PACSIN1: variants seen among roughly 807,000 people sequenced by gnomAD.
PACSIN1 encodes protein kinase C and casein kinase substrate in neurons protein 1.
PACSIN1 carries 15 observed loss-of-function variants against 59.5 expected under a neutral mutation model. The ratio of observed to expected loss-of-function variants is 0.25; its 90% CI spans 0.17 to 0.39. The LOEUF is 0.39. Among genes scored for constraint, PACSIN1 ranks in the 10% least tolerant of loss-of-function variants. The pLI, the probability that PACSIN1 is intolerant of heterozygous loss-of-function variation, is 1.00. For synonymous variants in PACSIN1, 210 were observed against 220.6 expected (o/e 0.95, Z 0.42); for missense variants, 420 against 580.2 (o/e 0.72, Z 2.84).
chr6:34,501,442 C>T (rs1237332513), intron 1 of PACSIN1, among the ~76,000 whole-genome samples: 2 of 152,218 alleles, frequency 1.3e-5, no homozygotes, highest in East Asian at 3.8e-4. Flanking sequence ...CTGGACCAGG[C>T]AGCCTAGCTA....
intron 1 of PACSIN1, among the ~76,000 whole-genome samples, chr6:34,509,885 A>G (rs1767172379): frequency 6.6e-6 from 1 of 152,240 alleles, no homozygotes; most frequent in African/African-American, 2.4e-5. Context: ...GAAAACTTTC[A>G]GAATTTGTCA....
intron 1 of PACSIN1, among the ~76,000 whole-genome samples, chr6:34,512,059 A>ATG (rs202212498): frequency 0.013 from 1,964 of 151,800 alleles, 38 homozygotes; most frequent in African/African-American, 0.044. Context: ...GCGTATGTGC[A>ATG]TGTGTGTGTG....
At position 34,531,654 on chromosome 6, in the gene PACSIN1, G is replaced by T; in HGVS notation, c.1092G>T (p.Glu364Asp). 1 of 1,614,026 alleles carries T rather than the reference G, an allele frequency of 6.2e-7. No homozygotes were observed. Among genetic ancestry groups the T allele is most frequent in the Non-Finnish European group, 8.5e-7 (1 of 1,180,022 alleles). Residue 364 changes from glutamate to aspartate, a missense_variant, in exon 9 of 10, where the codon GAG (glutamate) becomes GAT (aspartate). By Grantham distance (45) the Glu-to-Asp change is conservative. Coordinates refer to ENST00000244458, the MANE Select transcript of PACSIN1 (RefSeq NM_020804.5). This position sits in a 1 kb window ranked among gnomAD's most constrained non-coding sequence, Gnocchi z 4.4. ...QPYATEWSDD[E>D]SGNPFGGSET... ...ACGCCACCGAGTGGTCAGACGACGA[G>T]AGTGGGAACCCCTTTGGGGGCAGTG...
chr6:34,507,488 T>C (rs945727308), intron 1 of PACSIN1, among the ~76,000 whole-genome samples: 2 of 152,140 alleles, frequency 1.3e-5, no homozygotes, highest in Non-Finnish European at 2.9e-5. Context: ...ATCTACTGTG[T>C]GTGCTCTTTT....
rs1013853556 is a variant in PACSIN1, at chr6:34,516,081, G to A, written c.-63-10162G>A. On this transcript the variant is annotated intron_variant, in intron 1 of 9. Coordinates refer to ENST00000244458, the MANE Select transcript of PACSIN1 (RefSeq NM_020804.5). This position sits in a 1 kb window ranked among gnomAD's most constrained non-coding sequence, Gnocchi z 5.4. ...AGCCTGCAAGGGGCAGAAGGTTGAT[G>A]TGTGCAACTATGGGCGTGCTTAAGG... Among the ~76,000 whole-genome samples, 5 of 152,186 alleles carry A rather than the reference G, an allele frequency of 3.3e-5. No homozygotes were observed. Among genetic ancestry groups the A allele is most frequent in the African/African-American group, 4.8e-5 (2 of 41,434 alleles).
At chr6:34,509,274 C>T (rs1293675515) in intron 1 of PACSIN1, among the ~76,000 whole-genome samples, 1 of 152,120 alleles carries the variant, frequency 6.6e-6, no homozygotes, top group African/African-American at 2.4e-5. Context: ...AAGAACTATC[C>T]TTCGTATCAT....
intron 1 of PACSIN1, among the ~76,000 whole-genome samples, chr6:34,508,105 G>GTTTGTTTGTTTGTTTGT (rs1554169424): frequency 6.6e-6 from 1 of 151,888 alleles, no homozygotes; most frequent in Non-Finnish European, 1.5e-5. Flanking sequence ...TTCTTTTTTT[G>GTTTGTTTGTTTGTTTGT]TTTGTTTGTT....
Position 34,495,815 on chromosome 6 carries a change from A to G in PACSIN1, c.-64+29545A>G, listed in dbSNP as rs76762393. Among the ~76,000 whole-genome samples, 1,028 of 152,266 alleles carry G rather than the reference A, an allele frequency of 6.8e-3. 10 individuals are homozygous for G. The highest frequency in any genetic ancestry group is 0.015 in the African/African-American group (637 of 41,558). On this transcript the variant is annotated intron_variant, in intron 1 of 9. Transcript: ENST00000244458. ...CACAGGTTTAGAAACTACTTCCCTA[A>G]ATCATACCAGTTGTGTTTCCATCTC...
In PACSIN1 at chr6:34,526,317, C is replaced by T. The variant is rs776735771; in HGVS notation, c.12C>T (p.Ser4=). 10 of 1,612,176 alleles carry T rather than the reference C, an allele frequency of 6.2e-6. No individual in the cohort carries two copies. Among genetic ancestry groups the T allele is most frequent in the Admixed American group, 1.7e-5 (1 of 59,996 alleles). The part of the protein sequence containing the change: MSS[S]YDEASLAPEE... ...CCTGCGGCTACACCATGTCCAGCTC[C>T]TACGATGAGGCCTCACTGGCGCCAG... is the stretch of plus-strand genomic sequence containing the variant. Residue 4 remains serine, a synonymous_variant, in exon 2 of 10, where the codon TCC becomes TCT. Transcript: ENST00000244458.
At chr6:34,498,651 T>A (rs983397613) in intron 1 of PACSIN1, among the ~76,000 whole-genome samples, 3 of 151,656 alleles carry the variant, frequency 2.0e-5, no homozygotes, top group African/African-American at 4.8e-5. Flanking sequence ...CACAAAAAAA[T>A]TAGGCATGGT....
chr6:34,510,258 C>G (rs943071453), intron 1 of PACSIN1, among the ~76,000 whole-genome samples: 1 of 152,246 alleles, frequency 6.6e-6, no homozygotes, highest in Non-Finnish European at 1.5e-5. Context: ...AATCACTTCT[C>G]CACGTAAAAA....
At chr6:34,528,949 G>T (rs1240204616) in intron 4 of PACSIN1, 72 bp downstream of exon 4, 13 of 1,229,770 alleles carry the variant, frequency 1.1e-5, no homozygotes, top group African/African-American at 1.5e-5. Context: ...TCCCAGGGAG[G>T]GCATCTATGG....
chr6:34,522,369 G>A (rs12202516), intron 1 of PACSIN1, among the ~76,000 whole-genome samples: 19,515 of 152,306 alleles, frequency 0.13, 1,661 homozygotes, highest in Non-Finnish European at 0.19. Context: ...GTAGGCACTC[G>A]GTAAACGCCA....
Position 34,532,613 on chromosome 6 carries a change from G to A in PACSIN1, c.*83G>A. The A allele has an allele frequency of 1.4e-6, 1 of 730,024 alleles. No individual in the cohort carries two copies. Among genetic ancestry groups the A allele is most frequent in the East Asian group, 2.8e-5 (1 of 36,066 alleles). 45.2% of individuals were successfully genotyped at this position (730,024 alleles called of 1,614,324 possible). A position where few individuals can be genotyped will look rare whatever the true frequency, so the allele number is the denominator to read the frequency against. On this transcript the variant is annotated 3_prime_UTR_variant, in exon 10 of 10. Transcript: ENST00000244458. The surrounding 1 kb of genome is among the most constrained non-coding windows in gnomAD (Gnocchi z 5.2). ...CTCTCGTCTCCTTCCCCTCGCCATA[G>A]AGTTCCAGACATATTTTCCGATCAA...
At chr6:34,487,803 C>T (rs1245840844) in intron 1 of PACSIN1, among the ~76,000 whole-genome samples, 5 of 152,136 alleles carry the variant, frequency 3.3e-5, no homozygotes, top group African/African-American at 9.7e-5. Flanking sequence ...GGGACTCAGC[C>T]GTGGACCATG....
chr6:34,485,512 C>T (rs1403184716), intron 1 of PACSIN1, among the ~76,000 whole-genome samples: 1 of 152,062 alleles, frequency 6.6e-6, no homozygotes, highest in Admixed American at 6.6e-5. Context: ...CTTGGGTGAA[C>T]AGTGGTGTTG....
At chr6:34,504,495 T>C (rs58741004) in intron 1 of PACSIN1, among the ~76,000 whole-genome samples, 1,760 of 152,198 alleles carry the variant, frequency 0.012, 46 homozygotes, top group East Asian at 0.096. Flanking sequence ...TTCGCCCTGT[T>C]GGCTTGGCTG....
chr6:34,529,860 C>T lies in PACSIN1; in HGVS notation c.788+19C>T, dbSNP rs1481948101. ...ACAGCAGGTACCTGGGCATGGCAGG[C>T]ACCGAGGGCACAGGCACAGCCAGCA... On this transcript the variant is annotated intron_variant, in intron 6 of 9. Coordinates refer to ENST00000244458, the MANE Select transcript of PACSIN1 (RefSeq NM_020804.5). This position sits in a 1 kb window ranked among gnomAD's most constrained non-coding sequence, Gnocchi z 6.3. 2 of 1,608,966 alleles carry T rather than the reference C, an allele frequency of 1.2e-6. No individual in the cohort carries two copies. The highest frequency in any genetic ancestry group is 1.7e-5 in the Admixed American group (1 of 59,596).
chr6:34,517,628 C>T (rs1238540008), intron 1 of PACSIN1, among the ~76,000 whole-genome samples: 1 of 152,064 alleles, frequency 6.6e-6, no homozygotes, highest in African/African-American at 2.4e-5. Context: ...GAGTGCTCTG[C>T]CTGGCTCCCT....
Sources: allele counts gnomAD v4.1 joint callset (sites outside exome capture counted in the v4.1 genomes callset), GRCh38; gene constraint gnomAD v4.1.1; non-coding constraint Gnocchi (gnomAD v3.1); transcripts MANE v1.5; gene names NCBI Gene and HGNC (gene_info 2026-07-23, HGNC 2026-07-21).